The following ABCB11 variants were observed in gnomAD, a reference collection of about 807,000 sequenced individuals.
ABCB11 encodes bile salt export pump.
A neutral mutation model predicts 148.0 loss-of-function variants in ABCB11; 95 were observed. The ratio of observed to expected loss-of-function variants is 0.64; its 90% CI spans 0.54 to 0.76. The LOEUF (loss-of-function observed/expected upper bound fraction) is 0.76. Among genes scored for constraint, ABCB11 ranks in the 30% least tolerant of loss-of-function variants. The pLI is 0.00. For synonymous variants in ABCB11, 591 were observed against 555.4 expected (o/e 1.06, Z -0.90); for missense variants, 1,523 against 1,617.8 (o/e 0.94, Z 1.01).
intron 21 of ABCB11, among the ~76,000 whole-genome samples, chr2:168,936,807 T>C (rs1029417549): frequency 6.6e-6 from 1 of 152,236 alleles, no homozygotes; most frequent in African/African-American, 2.4e-5. Flanking sequence ...GTCTGGCTTA[T>C]TTTGCTAAGC....
chr2:168,984,717 A>T (rs892947875), intron 10 of ABCB11, among the ~76,000 whole-genome samples: 1 of 152,134 alleles, frequency 6.6e-6, no homozygotes, highest in Non-Finnish European at 1.5e-5. Context: ...TTTCATAGCT[A>T]TAAAGTGTTC....
intron 23 of ABCB11, 124 bp from the exon 24 acceptor site, chr2:168,932,657 T>C: frequency 8.4e-7 from 1 of 1,194,814 alleles, no homozygotes. Context: ...CTTGAGCAAG[T>C]CACTTCAGAC....
At chr2:168,983,094 C>T (rs1448942655) in intron 10 of ABCB11, among the ~76,000 whole-genome samples, 3 of 152,050 alleles carry the variant, frequency 2.0e-5, no homozygotes, top group Non-Finnish European at 1.5e-5. Flanking sequence ...CAGAGAGTTA[C>T]CAAAGGGATT....
chr2:169,019,091 A>T (rs2106060834), intron 1 of ABCB11, among the ~76,000 whole-genome samples: 1 of 152,232 alleles, frequency 6.6e-6, no homozygotes, highest in South Asian at 2.1e-4. Context: ...CACTGCTGAG[A>T]AGACCCTGAG....
Position 168,995,362 on chromosome 2 carries a change from T to C in ABCB11, c.598A>G (p.Thr200Ala), listed in dbSNP as rs1474278167. 1 of 1,612,082 alleles carries C rather than the reference T, an allele frequency of 6.2e-7. No individual in the cohort carries two copies. Among genetic ancestry groups the C allele is most frequent in the Non-Finnish European group, 8.5e-7 (1 of 1,178,802 alleles). Residue 200 changes from threonine (T) to alanine (A), a missense_variant, in exon 7 of 28, where the codon ACA becomes GCA. Thr to Ala is a moderately conservative substitution (Grantham distance 58, BLOSUM62 0). Transcript: ENST00000650372. Reference protein sequence around the residue: ...FDCNSVGELNTRFSDDINKIN... With the variant: ...FDCNSVGELNARFSDDINKIN... ...CCAGCTACTTACTCAGAGAATCTTG[T>C]ATTCAGCTCCCCCACTGAATTGCAG...
downstream of ABCB11, among the ~76,000 whole-genome samples, chr2:168,918,699 G>T (rs922414470): frequency 2.0e-5 from 3 of 152,090 alleles, no homozygotes; most frequent in African/African-American, 7.2e-5. Flanking sequence ...CTTATTTATA[G>T]ATTTGAGATT....
chr2:169,009,765 G>C (rs560151669), intron 5 of ABCB11, among the ~76,000 whole-genome samples: 2 of 151,850 alleles, frequency 1.3e-5, no homozygotes, highest in African/African-American at 2.4e-5. Flanking sequence ...TTCTAAAATT[G>C]ACTGTGGCAG....
chr2:168,915,707 G>A (rs2105864833), intron 2 of ABCB11, among the ~76,000 whole-genome samples: 2 of 152,326 alleles, frequency 1.3e-5, no homozygotes, highest in South Asian at 4.1e-4. Flanking sequence ...AAGAAGAAAG[G>A]GGGAAGAGAC....
chr2:168,961,863 C>T (rs1340555055), intron 18 of ABCB11, among the ~76,000 whole-genome samples: 1 of 151,590 alleles, frequency 6.6e-6, no homozygotes, highest in Non-Finnish European at 1.5e-5. Flanking sequence ...CCTTTAGCAC[C>T]GTAAGAGAGT....
intron 1 of ABCB11, among the ~76,000 whole-genome samples, chr2:169,026,158 T>C (rs1170970128): frequency 6.6e-6 from 1 of 152,216 alleles, no homozygotes; most frequent in Non-Finnish European, 1.5e-5. Flanking sequence ...TCTGTGAGAT[T>C]GTTTATGTCT....
At chr2:168,925,489 G>T (rs1307786713) in intron 26 of ABCB11, among the ~76,000 whole-genome samples, 2 of 152,164 alleles carry the variant, frequency 1.3e-5, no homozygotes, top group Non-Finnish European at 2.9e-5. Flanking sequence ...TCTAGCTAGG[G>T]TATCATTTAA....
At chr2:169,022,039 T>C (rs1254988488) in intron 1 of ABCB11, among the ~76,000 whole-genome samples, 1 of 151,986 alleles carries the variant, frequency 6.6e-6, no homozygotes, top group Non-Finnish European at 1.5e-5. Context: ...AAAATACATA[T>C]GCAGATAAAT....
chr2:168,922,310 A>T lies in ABCB11; in HGVS notation c.*1312T>A, dbSNP rs1188009660. Among the ~76,000 whole-genome samples, 1 of 152,128 alleles carries T rather than the reference A, an allele frequency of 6.6e-6. No individual in the cohort carries two copies. Among genetic ancestry groups the T allele is most frequent in the African/African-American group, 2.4e-5 (1 of 41,430 alleles). On this transcript the variant is annotated 3_prime_UTR_variant, in exon 28 of 28. Transcript: ENST00000650372. ...CCTTCAACTTCATCTTGTGTCTCTA[A>T]GTGCAAACCTCCCTGTGAGCCTCCT...
At chr2:168,960,581 A>G (rs1270376338) in intron 18 of ABCB11, among the ~76,000 whole-genome samples, 5 of 151,698 alleles carry the variant, frequency 3.3e-5, no homozygotes, top group Non-Finnish European at 5.9e-5. Context: ...ATTCCAAGAG[A>G]CACTAACAAG....
At chr2:168,979,570 C>T (rs1334954688) in intron 11 of ABCB11, among the ~76,000 whole-genome samples, 1 of 150,514 alleles carries the variant, frequency 6.6e-6, no homozygotes, top group African/African-American at 2.4e-5. Context: ...CATTCACTCC[C>T]TTGAGGCAGG....
intron 5 of ABCB11, among the ~76,000 whole-genome samples, chr2:169,008,544 T>C (rs1473602005): frequency 6.6e-6 from 1 of 152,176 alleles, no homozygotes; most frequent in Non-Finnish European, 1.5e-5. Flanking sequence ...TAGACCCTTT[T>C]CCCATACAAG....
Position 168,976,636 on chromosome 2 carries a change from T to G in ABCB11, c.1249A>C (p.Lys417Gln). The G allele has an allele frequency of 1.2e-6, 2 of 1,611,068 alleles. No individual in the cohort carries two copies. Among genetic ancestry groups the G allele is most frequent in the Non-Finnish European group, 1.7e-6 (2 of 1,177,922 alleles). The change falls in exon 12 of 28, where the codon AAG (lysine) becomes CAG (glutamine). Residue 417 changes from lysine to glutamine, a missense_variant. Lys to Gln is a moderately conservative substitution (Grantham distance 53). Transcript: ENST00000650372. ...ACATTATGGAATTCAATTTCACCCTTGATTCGATCCAACTTGTAACCATCT... is the reference window on the plus strand; with the variant it reads ...ACATTATGGAATTCAATTTCACCCTGGATTCGATCCAACTTGTAACCATCT... The part of the protein sequence containing the change: ...SEDGYKLDRI[K>Q]GEIEFHNVTF...
At chr2:168,924,847 G>T in intron 26 of ABCB11, 44 bp from the exon 27 acceptor site, 3 of 1,569,250 alleles carry the variant, frequency 1.9e-6, no homozygotes, top group Non-Finnish European at 8.7e-7. Flanking sequence ...AACAGTTATT[G>T]CTCCTGTGCT....
Position 168,929,992 on chromosome 2 carries a change from T to G in ABCB11, c.3411+673A>C, listed in dbSNP as rs182212845. ...AAATAGTTGCCTTTGAGCAGAGAAA[T>G]GTGGAGTGGGAGTGTAAGCATAAAG... On this transcript the variant is annotated intron_variant, in intron 25 of 27. Coordinates refer to ENST00000650372, the MANE Select transcript of ABCB11 (RefSeq NM_003742.4). Among the ~76,000 whole-genome samples, 11 of 152,040 alleles carry G rather than the reference T, an allele frequency of 7.2e-5. No individual in the cohort carries two copies. In the East Asian group the frequency reaches 1.2e-3, roughly 16 times the overall value.
Sources: allele counts gnomAD v4.1 joint callset (sites outside exome capture counted in the v4.1 genomes callset), GRCh38; gene constraint gnomAD v4.1.1; transcripts MANE v1.5; gene names NCBI Gene and HGNC (gene_info 2026-07-23, HGNC 2026-07-21).